The following PI4KB variants were observed in gnomAD, a reference collection of about 807,000 sequenced individuals.
PI4KB encodes the protein phosphatidylinositol 4-kinase beta, also known as PtdIns 4-kinase beta.
A neutral mutation model predicts 81.4 loss-of-function variants in PI4KB; 23 were observed. That is an observed-to-expected ratio of 0.28 (90% CI 0.20 to 0.40). The LOEUF (loss-of-function observed/expected upper bound fraction) is 0.40, where lower values mean the gene tolerates loss of function less well. Ranked by LOEUF, PI4KB falls within the 10% of genes least tolerant of loss-of-function variation. The pLI, the probability that PI4KB is intolerant of heterozygous loss-of-function variation, is 1.00. For missense variants in PI4KB, 651 were observed against 1,036.6 expected (o/e 0.63, Z 5.11); for synonymous variants, 381 against 406.8 (o/e 0.94, Z 0.76).
chr1:151,314,435 C>T (rs1169303809), intron 2 of PI4KB, among the ~76,000 whole-genome samples: 1 of 152,172 alleles, frequency 6.6e-6, no homozygotes. Flanking sequence ...GCTATCTGTC[C>T]AGATGTGGAG....
At position 151,292,763 on chromosome 1, in the gene PI4KB, G is replaced by GTGGGGTTTCCTGGTT; in HGVS notation, c.*74_*88dup. On this transcript the variant is annotated 3_prime_UTR_variant, in exon 12 of 12. Coordinates refer to ENST00000368873, the MANE Select transcript of PI4KB (RefSeq NM_001369623.2). ...TTCCCTTGGGTGGATGGTTGGGTAGGTGGGGTTTCCTGGTTTGGGGTTTCT... is the reference window on the plus strand; with the variant it reads ...TTCCCTTGGGTGGATGGTTGGGTAGGTGGGGTTTCCTGGTTTGGGGTTTCCTGGTTTGGGGTTTCT... 8.5e-7 allele frequency: 1 copy of GTGGGGTTTCCTGGTT among 1,175,224 alleles called. No individual in the cohort carries two copies. The highest frequency in any genetic ancestry group is 1.2e-6 in the Non-Finnish European group (1 of 829,076). 72.8% of individuals were successfully genotyped at this position (1,175,224 alleles called of 1,614,324 possible). A position where few individuals can be genotyped will look rare whatever the true frequency, so the allele number is the denominator to read the frequency against.
intron 1 of PI4KB, among the ~76,000 whole-genome samples, chr1:151,326,929 AC>A (rs1649695511): frequency 2.0e-5 from 3 of 152,178 alleles, no homozygotes; most frequent in Admixed American, 2.0e-4. Context: ...GGCAGAGACG[AC>A]GAGGAAGGAC....
At chr1:151,300,556 G>C (rs587644119) in intron 8 of PI4KB, 10 of 152,390 alleles carry the variant, frequency 6.6e-5, no homozygotes, top group African/African-American at 2.4e-4. Flanking sequence ...GTGGTGAGCC[G>C]AGATTGCGCC....
chr1:151,324,868 T>C, intron 1 of PI4KB: 1 of 985,298 alleles, frequency 1.0e-6, no homozygotes, highest in Non-Finnish European at 1.2e-6. Context: ...GGAATCTCAA[T>C]TTGCTGCTTT....
chr1:151,304,122 C>T (rs1247093226), intron 5 of PI4KB, among the ~76,000 whole-genome samples: 1 of 152,188 alleles, frequency 6.6e-6, no homozygotes, highest in Non-Finnish European at 1.5e-5. Flanking sequence ...ATCTTCTCAT[C>T]TCTCTCTAAA....
chr1:151,321,725 T>C (rs1419794096), intron 1 of PI4KB, among the ~76,000 whole-genome samples: 1 of 150,396 alleles, frequency 6.6e-6, no homozygotes, highest in Non-Finnish European at 1.5e-5. Context: ...TACAAAAAAT[T>C]AGCCGGGCAT....
chr1:151,312,294 G>A (rs1283067510), intron 2 of PI4KB, among the ~76,000 whole-genome samples: 1 of 152,144 alleles, frequency 6.6e-6, no homozygotes, highest in Non-Finnish European at 1.5e-5. Context: ...CCCCTCTACT[G>A]GTGGTAGGAG....
intron 4 of PI4KB, among the ~76,000 whole-genome samples, 158 bp downstream of exon 4, chr1:151,307,416 A>G (rs1695862413): frequency 6.6e-6 from 1 of 152,224 alleles, no homozygotes; most frequent in African/African-American, 2.4e-5. Context: ...CAAAATCACA[A>G]TCGCACTGAG....
Position 151,292,847 on chromosome 1 carries a change from G to A in PI4KB, c.*5C>T. 1.2e-6 allele frequency: 2 copies of A among 1,613,674 alleles called. No individual in the cohort carries two copies. The highest frequency in any genetic ancestry group is 1.7e-6 in the Non-Finnish European group (2 of 1,179,858). ...CCCCCCACCACTCCTGGGCTGAGGA[G>A]CGTGTCACATGATGCCGTTGGTGAG... is the stretch of plus-strand genomic sequence containing the variant. On this transcript the variant is annotated 3_prime_UTR_variant, in exon 12 of 12. Coordinates refer to ENST00000368873, the MANE Select transcript of PI4KB (RefSeq NM_001369623.2).
At chr1:151,308,904 C>G (rs139240121) in intron 3 of PI4KB, among the ~76,000 whole-genome samples, 2 of 152,252 alleles carry the variant, frequency 1.3e-5, no homozygotes, top group African/African-American at 2.4e-5. Flanking sequence ...CTTGCTCCCT[C>G]GAACTCTAAA....
chr1:151,298,600 C>A, intron 9 of PI4KB: 2 of 627,142 alleles, frequency 3.2e-6, no homozygotes, highest in Non-Finnish European at 5.6e-6. Flanking sequence ...TCCCATAAAT[C>A]CTTCATTTCT....
At chr1:151,299,170 G>T in intron 8 of PI4KB, 97 bp from the exon 9 acceptor site, 1 of 1,117,572 alleles carries the variant, frequency 8.9e-7, no homozygotes, top group Non-Finnish European at 1.3e-6. Context: ...CTCCTTGGTA[G>T]CATTGAATTC....
intron 9 of PI4KB, 132 bp from the exon 10 acceptor site, chr1:151,294,673 CT>C (rs1212868621): frequency 4.3e-6 from 3 of 703,788 alleles, no homozygotes; most frequent in Non-Finnish European, 7.4e-6. Flanking sequence ...CTGCCCGTAA[CT>C]CCAATCTCCT....
chr1:151,315,299 T>A (rs1466693086), intron 2 of PI4KB, among the ~76,000 whole-genome samples: 1 of 152,110 alleles, frequency 6.6e-6, no homozygotes, highest in Non-Finnish European at 1.5e-5. Flanking sequence ...TAAAAATGAT[T>A]TGGGACACAG....
Position 151,316,294 on chromosome 1 carries a change from T to G in PI4KB, c.188A>C (p.His63Pro). The G allele has an allele frequency of 6.8e-6, 11 of 1,614,176 alleles. No individual in the cohort carries two copies. Among genetic ancestry groups the G allele is most frequent in the Non-Finnish European group, 8.5e-6 (10 of 1,180,024 alleles). Residue 63 changes from histidine (H) to proline (P), a missense_variant, in exon 2 of 12, where the codon CAT becomes CCT. Physicochemically the swap from His to Pro is moderately conservative, Grantham distance 77. Transcript: ENST00000368873. ...TCTGCTAGAGACTGCCACGCCTCCA[T>G]GCAAAAGCTTGACTTTCTCCAACAC... ...QEVLEKVKLL[H>P]GGVAVSSRGT... is the part of the protein sequence containing the mutation.
At chr1:151,296,204 G>A (rs751993752) in intron 9 of PI4KB, among the ~76,000 whole-genome samples, 19 of 152,204 alleles carry the variant, frequency 1.2e-4, no homozygotes, top group Admixed American at 5.9e-4. Context: ...CCGAGATCAC[G>A]CCACTGCACT....
Position 151,316,116 on chromosome 1 carries a change from G to C in PI4KB, c.366C>G (p.Asn122Lys). Residue 122 changes from asparagine (N) to lysine (K), a missense_variant, in exon 2 of 12, where the codon AAC (asparagine) becomes AAG (lysine). This residue lies in a region of PI4KB where 314 missense variants were observed against 397.8 expected (regional missense o/e 0.79). Coordinates refer to ENST00000368873, the MANE Select transcript of PI4KB (RefSeq NM_001369623.2). ...GCAGCCAAGACTGTTTAGCTGAGTT[G>C]TTCTGCCGCCGTCTTCTTGCTCCTT... ...TAKGARRRRQ[N>K]NSAKQSWLLR... 1.2e-6 allele frequency: 2 copies of C among 1,614,104 alleles called. No individual in the cohort carries two copies. The highest frequency in any genetic ancestry group is 1.7e-6 in the Non-Finnish European group (2 of 1,180,026).
intron 1 of PI4KB, among the ~76,000 whole-genome samples, chr1:151,317,658 TACTCCCTTGTTCCCTA>T (rs1374221301): frequency 6.6e-6 from 1 of 152,162 alleles, no homozygotes; most frequent in Non-Finnish European, 1.5e-5. Context: ...AGTCAGGTGT[TACTCCCTTGTTCCCTA>T]ACTCTTCAAA....
intron 1 of PI4KB, among the ~76,000 whole-genome samples, chr1:151,318,238 G>A (rs1050541669): frequency 1.3e-5 from 2 of 151,868 alleles, no homozygotes; most frequent in Non-Finnish European, 2.9e-5. Flanking sequence ...CCAACATGGT[G>A]AAACCCCGTC....
Sources: gnomAD v4.1 joint callset for allele counts (sites outside exome capture counted in the v4.1 genomes callset) on GRCh38, gnomAD v4.1.1 for gene constraint, gnomAD v4.1.1 regional missense constraint, MANE v1.5 for transcripts, NCBI Gene and HGNC (gene_info 2026-07-23, HGNC 2026-07-21) for gene names.